Variants in CELF2 observed in about 807,000 individuals in gnomAD.
CELF2 encodes the protein CUG triplet repeat RNA-binding protein 2.
A neutral mutation model predicts 62.6 loss-of-function variants in CELF2; 8 were observed. The observed-to-expected ratio is 0.13, with a 90% CI of 0.07 to 0.23. The LOEUF (loss-of-function observed/expected upper bound fraction) is 0.23, where lower values mean the gene tolerates loss of function less well. CELF2 is among the 10% of genes least tolerant of loss of function. CELF2 has a pLI of 1.00. For synonymous variants in CELF2, 258 were observed against 250.0 expected, an observed-to-expected ratio of 1.03 and a Z score of -0.30; for missense variants, 333 against 671.0, an observed-to-expected ratio of 0.50 and a Z score of 5.56.
intron 2 of CELF2, among the ~76,000 whole-genome samples, chr10:10,935,641 A>G (rs898394542): frequency 6.6e-6 from 1 of 152,226 alleles, no homozygotes; most frequent in Non-Finnish European, 1.5e-5. Context: ...TTCTAGCAAT[A>G]ATAAAGAACA....
At chr10:10,560,671 T>A in the CELF2 span, among the ~76,000 whole-genome samples, 46 of 152,110 alleles carry the variant, frequency 3.0e-4, 1 homozygote, top group Middle Eastern at 0.014. Flanking sequence ...CTACTGGGTA[T>A]CTACCCAGAG....
intron 3 of CELF2, among the ~76,000 whole-genome samples, chr10:11,229,439 G>A (rs2067800546): frequency 6.6e-6 from 1 of 152,124 alleles, no homozygotes; most frequent in Non-Finnish European, 1.5e-5. Flanking sequence ...AAGGAAAGCG[G>A]TCCTTTGTAC....
At chr10:10,941,722 A>G (rs1274477390) in intron 2 of CELF2, among the ~76,000 whole-genome samples, 1 of 152,170 alleles carries the variant, frequency 6.6e-6, no homozygotes, top group Admixed American at 6.5e-5. Flanking sequence ...GACCAGGCGC[A>G]GTGGCTCATG....
intron 1 of CELF2, among the ~76,000 whole-genome samples, chr10:11,078,535 A>G (rs112095848): frequency 4.6e-5 from 7 of 152,314 alleles, no homozygotes; most frequent in African/African-American, 1.7e-4. Flanking sequence ...TTCATCCAGA[A>G]CCTTGTTCAT....
chr10:10,554,427 C>A, the CELF2 span, among the ~76,000 whole-genome samples: 6 of 152,276 alleles, frequency 3.9e-5, no homozygotes, highest in Admixed American at 1.3e-4. Flanking sequence ...TTGACCCCTG[C>A]CATCTCTGTT....
At chr10:10,696,937 C>G in the CELF2 span, among the ~76,000 whole-genome samples, 8 of 152,260 alleles carry the variant, frequency 5.3e-5, no homozygotes, top group East Asian at 1.9e-4. Context: ...AGAAATCACC[C>G]GTCTTCTGCG....
intron 1 of CELF2, among the ~76,000 whole-genome samples, chr10:10,878,862 A>G (rs560422246): frequency 1.3e-5 from 2 of 152,290 alleles, no homozygotes; most frequent in South Asian, 4.1e-4. Flanking sequence ...CTGGGTGAAG[A>G]TCAGGGCCAG....
At chr10:10,893,595 T>C (rs996027239) in intron 1 of CELF2, among the ~76,000 whole-genome samples, 1 of 152,142 alleles carries the variant, frequency 6.6e-6, no homozygotes, top group African/African-American at 2.4e-5. Context: ...GGGTAATTTA[T>C]AAAGAAAAGT....
the CELF2 span, among the ~76,000 whole-genome samples, chr10:10,611,446 G>A: frequency 6.6e-6 from 1 of 152,148 alleles, no homozygotes; most frequent in Admixed American, 6.6e-5. Context: ...ACTTGAAAAT[G>A]TGGCCTCCTT....
At chr10:10,582,376 G>C in the CELF2 span, among the ~76,000 whole-genome samples, 1 of 151,934 alleles carries the variant, frequency 6.6e-6, no homozygotes, top group African/African-American at 2.4e-5. Context: ...TGTCTACCTG[G>C]GATATCAGAA....
chr10:10,933,652 A>G (rs2066331400), intron 2 of CELF2, among the ~76,000 whole-genome samples: 1 of 151,496 alleles, frequency 6.6e-6, no homozygotes, highest in Admixed American at 6.6e-5. Context: ...TACTTCTATC[A>G]TATCAACTTC....
the CELF2 span, among the ~76,000 whole-genome samples, chr10:10,627,060 G>A: frequency 1.3e-5 from 2 of 150,892 alleles, no homozygotes; most frequent in African/African-American, 2.5e-5. Context: ...GAAGAAATTT[G>A]TCAGAGAAAT....
the CELF2 span, among the ~76,000 whole-genome samples, chr10:10,610,261 G>C: frequency 6.6e-6 from 1 of 152,126 alleles, no homozygotes; most frequent in Admixed American, 6.5e-5. Flanking sequence ...TTACTAATTA[G>C]AGCTGTATCC....
chr10:11,331,182 AC>A lies in CELF2; in HGVS notation c.*2130del, dbSNP rs944534303. On this transcript the variant is annotated 3_prime_UTR_variant, in exon 13 of 13. Coordinates refer to ENST00000633077, the MANE Select transcript of CELF2 (RefSeq NM_001326342.2). ...ATGTACAGGAGAAAGGTTACTGTAA[AC>A]TGTGTTATGTTGGTGCTTCTGTGAA... is the stretch of plus-strand genomic sequence containing the variant. 10 of 152,302 alleles carry A rather than the reference AC, an allele frequency of 6.6e-5. No homozygotes were observed. The highest frequency in any genetic ancestry group is 2.2e-4 in the African/African-American group (9 of 41,338). The allele number at this position is 152,302 out of a possible 1,614,324, so 9.4% of individuals were successfully genotyped here.
the CELF2 span, among the ~76,000 whole-genome samples, chr10:10,476,882 G>A: frequency 6.6e-6 from 1 of 151,958 alleles, no homozygotes; most frequent in Non-Finnish European, 1.5e-5. Context: ...GAACTTAACT[G>A]TTCTTCATTT....
At chr10:10,911,020 T>C (rs1020171798) in intron 1 of CELF2, among the ~76,000 whole-genome samples, 2 of 152,202 alleles carry the variant, frequency 1.3e-5, no homozygotes, top group African/African-American at 4.8e-5. Context: ...ATGCTTAACA[T>C]GCAAACCCAA....
At chr10:10,538,137 T>C in the CELF2 span, among the ~76,000 whole-genome samples, 13 of 152,136 alleles carry the variant, frequency 8.5e-5, no homozygotes, top group Admixed American at 3.3e-4. Flanking sequence ...TGAGAGTTGT[T>C]GCTAGTAGGG....
chr10:10,626,818 A>C, the CELF2 span, among the ~76,000 whole-genome samples: 1 of 152,240 alleles, frequency 6.6e-6, no homozygotes, highest in Non-Finnish European at 1.5e-5. Flanking sequence ...TGTTTACAAT[A>C]GAATTTTAAG....
chr10:10,762,399 A>C, the CELF2 span, among the ~76,000 whole-genome samples: 1 of 152,220 alleles, frequency 6.6e-6, no homozygotes, highest in South Asian at 2.1e-4. Context: ...AAGTCATTTG[A>C]GGCATGACTT....
Sources: allele counts gnomAD v4.1 joint callset (sites outside exome capture counted in the v4.1 genomes callset), GRCh38; gene constraint gnomAD v4.1.1; transcripts MANE v1.5; gene names NCBI Gene and HGNC (gene_info 2026-07-23, HGNC 2026-07-21).